The following RNF121 variants were observed in gnomAD, a reference collection of about 807,000 sequenced individuals.
The protein encoded by RNF121 is E3 ubiquitin ligase RNF121.
RNF121 carries 21 observed loss-of-function variants against 46.5 expected under a neutral mutation model. That is an observed-to-expected ratio of 0.45 (90% CI 0.32 to 0.65). RNF121 has a LOEUF of 0.65. Among genes scored for constraint, RNF121 ranks in the 30% least tolerant of loss-of-function variants. The pLI is 0.04. For synonymous variants in RNF121, 139 were observed against 144.7 expected, an observed-to-expected ratio of 0.96 and a Z score of 0.28; for missense variants, 346 against 416.0, an observed-to-expected ratio of 0.83 and a Z score of 1.46.
At chr11:71,995,398 G>A (rs1288286704) in intron 7 of RNF121, 52 bp from the exon 8 acceptor site, 1 of 1,426,682 alleles carries the variant, frequency 7.0e-7, no homozygotes, top group African/African-American at 1.4e-5. Flanking sequence ...GACTGTCTGG[G>A]GCTGGAGTGC....
intron 1 of RNF121, among the ~76,000 whole-genome samples, chr11:71,948,404 A>G (rs1211358598): frequency 6.7e-6 from 1 of 148,676 alleles, no homozygotes; most frequent in Admixed American, 6.9e-5. Context: ...AGCCCCACCT[A>G]CTTGGGAGGC....
intron 1 of RNF121, among the ~76,000 whole-genome samples, chr11:71,952,952 T>C (rs1203937707): frequency 1.3e-5 from 2 of 152,266 alleles, no homozygotes; most frequent in African/African-American, 2.4e-5. Context: ...TATTCTGTTA[T>C]GAACAGTATT....
rs567895940 is a variant in RNF121, at chr11:71,975,112, C to T, written c.244-7649C>T. 5.3e-5 allele frequency among the ~76,000 whole-genome samples: 8 copies of T among 152,250 alleles called. No individual in the cohort carries two copies. In the South Asian group the frequency reaches 1.2e-3, roughly 24 times the overall value. ...CCTGAACTGCTTTCCCTCCTGGAAC[C>T]GGTGAGTGGCAAAATCTCCTACCTG... is the stretch of plus-strand genomic sequence containing the variant. On this transcript the variant is annotated intron_variant, in intron 3 of 8. Transcript: ENST00000361756.
rs1431760645 is a variant in RNF121, at chr11:71,996,945, T to C, written c.*630T>C. ...GTGACTTGGCCAACAAGGGAAGCCT[T>C]GGGGCCTCAGAATTCATTGAAGATT... is the stretch of plus-strand genomic sequence containing the variant. On this transcript the variant is annotated 3_prime_UTR_variant, in exon 9 of 9. Coordinates refer to ENST00000361756, the MANE Select transcript of RNF121 (RefSeq NM_018320.5). 6.6e-6 allele frequency: 1 copy of C among 152,404 alleles called. No homozygotes were observed. Among genetic ancestry groups the C allele is most frequent in the African/African-American group, 2.4e-5 (1 of 41,466 alleles). The allele number at this position is 152,404 out of a possible 1,614,324, so 9.4% of individuals were successfully genotyped here.
Position 71,982,637 on chromosome 11 carries a change from T to G in RNF121, c.244-124T>G, listed in dbSNP as rs529785581. The stretch of plus-strand genomic sequence containing the variant: ...GACTTGGATCACTAGTGGAGTTAAC[T>G]TTATCCAAAGTTGTAAATACAGGAG... On this transcript the variant is annotated intron_variant, in intron 3 of 8. Coordinates refer to ENST00000361756, the MANE Select transcript of RNF121 (RefSeq NM_018320.5). 1.3e-4 allele frequency: 145 copies of G among 1,115,414 alleles called. 1 individual carries two copies. The South Asian group carries it at 1.9e-3, about 14-fold the overall frequency. 69.1% of individuals were successfully genotyped at this position (1,115,414 alleles called of 1,614,324 possible).
In RNF121 at chr11:71,961,749, C is replaced by G. The variant is rs1049095264; in HGVS notation, c.243+858C>G. On this transcript the variant is annotated intron_variant, in intron 3 of 8. Coordinates refer to ENST00000361756, the MANE Select transcript of RNF121 (RefSeq NM_018320.5). ...TGGTTTTAAAAATCCCCTCATTTAT[C>G]GATATGCTGTCTATAGTAAATTCAC... Among the ~76,000 whole-genome samples the G allele has an allele frequency of 2.0e-5, 3 of 152,136 alleles. No individual in the cohort carries two copies. In the East Asian group the frequency reaches 5.8e-4, roughly 29 times the overall value.
At chr11:71,969,792 A>G (rs1444627808) in intron 3 of RNF121, among the ~76,000 whole-genome samples, 1 of 152,058 alleles carries the variant, frequency 6.6e-6, no homozygotes, top group Non-Finnish European at 1.5e-5. Context: ...GTCTCAAACT[A>G]CTGGGCTCAA....
chr11:71,969,260 G>A lies in RNF121; in HGVS notation c.243+8369G>A, dbSNP rs533935343. On this transcript the variant is annotated intron_variant, in intron 3 of 8. Transcript: ENST00000361756. ...GAAATGACAATACTCACGTAAAGGT[G>A]AATGGGTGAGTTAGTTGTGATATAT... 3.3e-5 allele frequency among the ~76,000 whole-genome samples: 5 copies of A among 152,194 alleles called. No homozygotes were observed. In the South Asian group the frequency reaches 1.0e-3, roughly 32 times the overall value.
At chr11:71,942,240 G>A (rs115021526) in intron 1 of RNF121, among the ~76,000 whole-genome samples, 2,448 of 151,984 alleles carry the variant, frequency 0.016, 71 homozygotes, top group African/African-American at 0.056. Flanking sequence ...GCAATGAAAA[G>A]ATTTTGATTG....
intron 1 of RNF121, among the ~76,000 whole-genome samples, chr11:71,940,145 TTCC>T (rs1466749744): frequency 6.6e-6 from 1 of 152,236 alleles, no homozygotes; most frequent in Non-Finnish European, 1.5e-5. Context: ...GAGCATATGA[TTCC>T]TCACTAATGA....
intron 3 of RNF121, among the ~76,000 whole-genome samples, chr11:71,981,115 C>T (rs1043931151): frequency 6.7e-6 from 1 of 150,118 alleles, no homozygotes; most frequent in African/African-American, 2.5e-5. Flanking sequence ...GTGGTGTGAT[C>T]TCGGCTCCCT....
At chr11:71,944,570 T>A (rs1001030674) in intron 1 of RNF121, among the ~76,000 whole-genome samples, 3 of 152,184 alleles carry the variant, frequency 2.0e-5, no homozygotes, top group African/African-American at 7.2e-5. Context: ...AAGGTAAAAC[T>A]GGAAAGACAG....
chr11:71,972,447 TTTTTGTCCTTCAC>T (rs1241816508), intron 3 of RNF121, among the ~76,000 whole-genome samples: 1 of 152,170 alleles, frequency 6.6e-6, no homozygotes, highest in Non-Finnish European at 1.5e-5. Flanking sequence ...TGAATGAAAC[TTTTTGTCCTTCAC>T]TAGTGCAGGT....
chr11:71,958,378 T>A (rs988702585), intron 2 of RNF121, among the ~76,000 whole-genome samples: 1 of 152,184 alleles, frequency 6.6e-6, no homozygotes, highest in African/African-American at 2.4e-5. Flanking sequence ...AGGGGTGGCA[T>A]TGGGAAAGAA....
chr11:71,978,507 T>C (rs1431554127), intron 3 of RNF121, among the ~76,000 whole-genome samples: 1 of 152,244 alleles, frequency 6.6e-6, no homozygotes, highest in African/African-American at 2.4e-5. Flanking sequence ...ATGTCAGTTA[T>C]TTTGGTTGCC....
At position 71,997,339 on chromosome 11, in the gene RNF121, C is replaced by T. The variant is rs1409217318; in HGVS notation, c.*1024C>T. On this transcript the variant is annotated 3_prime_UTR_variant, in exon 9 of 9. Transcript: ENST00000361756. Reference sequence around the variant, plus strand: ...GGGAATATCCCTACATGATTTTTGTCATTCATGGGTCCTCCCTGGGCCTGA... The same window carrying T: ...GGGAATATCCCTACATGATTTTTGTTATTCATGGGTCCTCCCTGGGCCTGA... The T allele has an allele frequency of 6.6e-6, 1 of 152,096 alleles. No homozygotes were observed. Among genetic ancestry groups the T allele is most frequent in the Non-Finnish European group, 1.5e-5 (1 of 68,020 alleles). 9.4% of individuals were successfully genotyped at this position (152,096 alleles called of 1,614,324 possible). A position where few individuals can be genotyped will look rare whatever the true frequency, so the allele number is the denominator to read the frequency against.
At chr11:71,956,033 A>T (rs1020378185) in intron 1 of RNF121, among the ~76,000 whole-genome samples, 4 of 152,352 alleles carry the variant, frequency 2.6e-5, no homozygotes, top group African/African-American at 9.6e-5. Flanking sequence ...GGGCATTTCC[A>T]GTACACATAC....
At position 71,982,922 on chromosome 11, in the gene RNF121, G is replaced by GT. The variant is rs1565159347; in HGVS notation, c.398+10dup. 6.2e-7 allele frequency: 1 copy of GT among 1,600,334 alleles called. No individual in the cohort carries two copies. ...TAGTACAGACAACCCCAAGGTGAGA[G>GT]TTTAAGTAGTGGGAAGAGCCCAGGT... On this transcript the variant is annotated splice_region_variant and intron_variant, in intron 4 of 8. Transcript: ENST00000361756.
Position 71,996,419 on chromosome 11 carries a change from T to A in RNF121, c.*104T>A, listed in dbSNP as rs1055452. 7.0e-7 allele frequency: 1 copy of A among 1,422,460 alleles called. No individual in the cohort carries two copies. The highest frequency in any genetic ancestry group is 9.5e-7 in the Non-Finnish European group (1 of 1,051,206). 88.1% of individuals were successfully genotyped at this position (1,422,460 alleles called of 1,614,324 possible). On this transcript the variant is annotated 3_prime_UTR_variant, in exon 9 of 9. Coordinates refer to ENST00000361756, the MANE Select transcript of RNF121 (RefSeq NM_018320.5). The stretch of plus-strand genomic sequence containing the variant: ...CCTGGGTGGGAAAGACTCAAAGGGG[T>A]GCTTGGGCCACTCAGGACCCCTCTG...
Sources: gnomAD v4.1 joint callset for allele counts (sites outside exome capture counted in the v4.1 genomes callset) on GRCh38, gnomAD v4.1.1 for gene constraint, MANE v1.5 for transcripts, NCBI Gene and HGNC (gene_info 2026-07-23, HGNC 2026-07-21) for gene names.